The following LMBRD1 variants were observed in gnomAD, a reference collection of about 807,000 sequenced individuals.
LMBRD1 encodes the protein LMBR1 domain containing 1, also known as lysosomal cobalamin transport escort protein LMBD1.
LMBRD1 carries 64 observed loss-of-function variants against 74.8 expected under a neutral mutation model. The ratio of observed to expected loss-of-function variants is 0.86; its 90% CI spans 0.70 to 1.05. The LOEUF is 1.05. Among genes scored for constraint, LMBRD1 ranks in the 50% least tolerant of loss-of-function variants. LMBRD1 has a pLI of 0.00. For missense variants in LMBRD1, 652 were observed against 645.9 expected, an observed-to-expected ratio of 1.01 and a Z score of -0.10; for synonymous variants, 204 against 216.3, an observed-to-expected ratio of 0.94 and a Z score of 0.50.
chr6:69,699,786 T>A (rs1179205258), intron 12 of LMBRD1, among the ~76,000 whole-genome samples: 1 of 151,790 alleles, frequency 6.6e-6, no homozygotes, highest in African/African-American at 2.4e-5. Context: ...CCTCCCTGTT[T>A]TATTACTAGA....
At chr6:69,777,021 G>A (rs550906225) in intron 3 of LMBRD1, among the ~76,000 whole-genome samples, 2 of 152,150 alleles carry the variant, frequency 1.3e-5, no homozygotes, top group African/African-American at 2.4e-5. Flanking sequence ...GGTGGCGAAC[G>A]CTTGTAATCG....
At chr6:69,726,204 T>C (rs959965224) in intron 7 of LMBRD1, among the ~76,000 whole-genome samples, 5 of 152,166 alleles carry the variant, frequency 3.3e-5, no homozygotes, top group Admixed American at 6.5e-5. Context: ...TAAAAGGGCT[T>C]TTATCTAAAA....
intron 2 of LMBRD1, among the ~76,000 whole-genome samples, chr6:69,782,351 A>G (rs1330819399): frequency 6.6e-6 from 1 of 152,194 alleles, no homozygotes; most frequent in Non-Finnish European, 1.5e-5. Context: ...GGTGTTCAGC[A>G]ATTGTCCTAG....
Position 69,713,717 on chromosome 6 carries a change from C to A in LMBRD1, c.843G>T (p.Lys281Asn), listed in dbSNP as rs1362655114. ...QFEERLRTLK[K>N]RERHLEFIEN... ...CAATGAATTCTAAATGCCTCTCTCT[C>A]TTCTTAAGTGTTCGTAACCTTTCTT... The change falls in exon 9 of 16, where the codon AAG becomes AAT. Residue 281 changes from lysine to asparagine, a missense_variant. This residue lies in a region of LMBRD1 where 598 missense variants were observed against 581.8 expected (regional missense o/e 1.03). Coordinates refer to ENST00000649934, the MANE Select transcript of LMBRD1 (RefSeq NM_018368.4). The A allele has an allele frequency of 6.2e-7, 1 of 1,613,752 alleles. No individual in the cohort carries two copies. The highest frequency in any genetic ancestry group is 1.7e-5 in the Admixed American group (1 of 59,950).
At chr6:69,696,074 C>T (rs979977035) in intron 14 of LMBRD1, among the ~76,000 whole-genome samples, 1 of 152,154 alleles carries the variant, frequency 6.6e-6, no homozygotes. Context: ...AAACTCCTGA[C>T]CTAAGGTGAT....
Position 69,676,129 on chromosome 6 carries a change from CATT to C in LMBRD1, c.*26_*28del, listed in dbSNP as rs1224224050. On this transcript the variant is annotated 3_prime_UTR_variant, in exon 16 of 16. Coordinates refer to ENST00000649934, the MANE Select transcript of LMBRD1 (RefSeq NM_018368.4). ...AAATGCATAACAGATATTCAGTCAG[CATT>C]ATAAAACCTTTAAGACAGAAGGCTG... is the stretch of plus-strand genomic sequence containing the variant. 3.3e-6 allele frequency: 5 copies of C among 1,528,888 alleles called. No homozygotes were observed. Among genetic ancestry groups the C allele is most frequent in the Non-Finnish European group, 4.5e-6 (5 of 1,103,238 alleles). 94.7% of individuals were successfully genotyped at this position (1,528,888 alleles called of 1,614,324 possible). A position where few individuals can be genotyped will look rare whatever the true frequency, so the allele number is the denominator to read the frequency against.
At chr6:69,741,932 A>T in intron 5 of LMBRD1, 55 bp from the exon 6 acceptor site, 1 of 998,060 alleles carries the variant, frequency 1.0e-6, no homozygotes. Flanking sequence ...AGTTAAATTA[A>T]ATGGTTTGAA....
At chr6:69,759,623 C>T (rs1765336917) in intron 3 of LMBRD1, among the ~76,000 whole-genome samples, 1 of 152,082 alleles carries the variant, frequency 6.6e-6, no homozygotes, top group Non-Finnish European at 1.5e-5. Flanking sequence ...ATAGATACTT[C>T]TGTATCTTAA....
chr6:69,783,904 C>T (rs1216705880), intron 2 of LMBRD1, among the ~76,000 whole-genome samples: 1 of 152,120 alleles, frequency 6.6e-6, no homozygotes, highest in African/African-American at 2.4e-5. Context: ...TAACTTGAAG[C>T]AAAAGAATCA....
rs191687580 is a variant in LMBRD1 at position 69,675,743 on chromosome 6, T to A, written c.*415A>T. 11 of 195,800 alleles carry A rather than the reference T, an allele frequency of 5.6e-5. No homozygotes were observed. The Admixed American group carries it at 5.9e-4, about 10-fold the overall frequency. 12.1% of individuals were successfully genotyped at this position (195,800 alleles called of 1,614,324 possible). ...TAACATTCATCAGCTATATTGTAAA[T>A]ATTATTTGGAGGCAATCAGAGAGAG... is the stretch of plus-strand genomic sequence containing the variant. On this transcript the variant is annotated 3_prime_UTR_variant, in exon 16 of 16. Transcript: ENST00000649934.
intron 9 of LMBRD1, among the ~76,000 whole-genome samples, chr6:69,709,229 C>G (rs985420133): frequency 1.3e-5 from 2 of 149,152 alleles, no homozygotes; most frequent in African/African-American, 4.9e-5. Context: ...AGCAAAACTC[C>G]ATCTCAAAAA....
chr6:69,712,035 T>G (rs543578537), intron 9 of LMBRD1, among the ~76,000 whole-genome samples: 1 of 152,132 alleles, frequency 6.6e-6, no homozygotes, highest in Non-Finnish European at 1.5e-5. Context: ...CCCCTCTGTC[T>G]GTCCATGTTG....
chr6:69,751,917 CAAT>C (rs1765167017), intron 4 of LMBRD1, among the ~76,000 whole-genome samples: 1 of 152,094 alleles, frequency 6.6e-6, no homozygotes, highest in African/African-American at 2.4e-5. Flanking sequence ...TTGTCTAAAA[CAAT>C]AGTTACAAGC....
rs981906516 is a variant in LMBRD1 at position 69,700,662 on chromosome 6, G to A, written c.1188+103C>T. 3.9e-6 allele frequency: 3 copies of A among 761,934 alleles called. No individual in the cohort carries two copies. The African/African-American group carries it at 5.5e-5, about 14-fold the overall frequency. The allele number at this position is 761,934 out of a possible 1,614,324, so 47.2% of individuals were successfully genotyped here. A position where few individuals can be genotyped will look rare whatever the true frequency, so the allele number is the denominator to read the frequency against. ...AAGGCTAGTATTTCTCTCACTTGTG[G>A]TATAAAGATACAGCTACTATATTCT... On this transcript the variant is annotated intron_variant, in intron 12 of 15. Transcript: ENST00000649934.
intron 14 of LMBRD1, among the ~76,000 whole-genome samples, chr6:69,693,756 C>CCCTA (rs1309001620): frequency 6.6e-6 from 1 of 151,812 alleles, no homozygotes; most frequent in Non-Finnish European, 1.5e-5. Context: ...GGGGTGGCAT[C>CCCTA]CCTACCCTTA....
rs1765522026 is a variant in LMBRD1, at chr6:69,675,270, A to G, written c.*888T>C. ...TAATGTGCTTATGTTAGTAAACTAG[A>G]ATATAATTTTTTATTATTTCTCACT... On this transcript the variant is annotated 3_prime_UTR_variant, in exon 16 of 16. Transcript: ENST00000649934. 6.6e-6 allele frequency among the ~76,000 whole-genome samples: 1 copy of G among 152,158 alleles called. No homozygotes were observed. Among genetic ancestry groups the G allele is most frequent in the African/African-American group, 2.4e-5 (1 of 41,438 alleles).
At chr6:69,704,139 T>C (rs1582066709) in intron 9 of LMBRD1, among the ~76,000 whole-genome samples, 2 of 152,090 alleles carry the variant, frequency 1.3e-5, no homozygotes. Flanking sequence ...GTGGTTTCAG[T>C]CAGGTTTCTC....
intron 14 of LMBRD1, among the ~76,000 whole-genome samples, chr6:69,691,693 G>A (rs1465515862): frequency 6.6e-6 from 1 of 151,862 alleles, no homozygotes; most frequent in African/African-American, 2.4e-5. Context: ...TGGCTAACAC[G>A]GTGAAACCCT....
chr6:69,745,541 A>T (rs975088711), intron 5 of LMBRD1, among the ~76,000 whole-genome samples: 1 of 152,026 alleles, frequency 6.6e-6, no homozygotes, highest in Non-Finnish European at 1.5e-5. Context: ...TACAGGCGTG[A>T]GCCACCGCGC....
Sources: gnomAD v4.1 joint callset for allele counts (sites outside exome capture counted in the v4.1 genomes callset) on GRCh38, gnomAD v4.1.1 for gene constraint, gnomAD v4.1.1 regional missense constraint, MANE v1.5 for transcripts, NCBI Gene and HGNC (gene_info 2026-07-23, HGNC 2026-07-21) for gene names.